The following CUBN variants were observed in gnomAD, a reference collection of about 807,000 sequenced individuals.
CUBN encodes cubilin.
A neutral mutation model predicts 405.3 loss-of-function variants in CUBN; 282 were observed. The ratio of observed to expected loss-of-function variants is 0.70; its 90% CI spans 0.63 to 0.77. The LOEUF is 0.77. CUBN is among the 30% of genes least tolerant of loss of function. The pLI is 0.00. For missense variants in CUBN, 4,514 were observed against 4,475.2 expected (o/e 1.01, Z -0.25); for synonymous variants, 1,684 against 1,617.0 (o/e 1.04, Z -0.99).
chr10:16,928,071 A>G, intron 41 of CUBN, 86 bp downstream of exon 41: 2 of 1,509,426 alleles, frequency 1.3e-6, no homozygotes, highest in African/African-American at 1.4e-5. Context: ...CTGGTGCCCA[A>G]AAACATTATA....
intron 8 of CUBN, among the ~76,000 whole-genome samples, chr10:17,112,654 T>C (rs1371434666): frequency 6.6e-6 from 1 of 152,044 alleles, no homozygotes; most frequent in Non-Finnish European, 1.5e-5. Flanking sequence ...AAAGTCTTTA[T>C]AGGTTTTTTT....
chr10:16,872,308 C>T (rs1840379630), intron 58 of CUBN, among the ~76,000 whole-genome samples: 1 of 150,338 alleles, frequency 6.7e-6, no homozygotes. Context: ...CTCCAGGATC[C>T]AGGCTGAAAA....
At chr10:16,862,308 C>G (rs1469277269) in intron 59 of CUBN, among the ~76,000 whole-genome samples, 3 of 152,170 alleles carry the variant, frequency 2.0e-5, no homozygotes, top group African/African-American at 4.8e-5. Flanking sequence ...TTACCTCTTA[C>G]AAACCCTTTG....
chr10:17,053,812 G>A (rs767209712), intron 22 of CUBN, among the ~76,000 whole-genome samples: 12 of 152,106 alleles, frequency 7.9e-5, no homozygotes, highest in Non-Finnish European at 1.8e-4. Flanking sequence ...TAGACCACAT[G>A]CAGGGCTGTA....
chr10:17,063,752 A>C (rs1446715049), intron 22 of CUBN, among the ~76,000 whole-genome samples: 1 of 152,202 alleles, frequency 6.6e-6, no homozygotes, highest in Non-Finnish European at 1.5e-5. Flanking sequence ...CCACATTTTC[A>C]GGAGGCCCTG....
intron 29 of CUBN, among the ~76,000 whole-genome samples, chr10:16,989,968 T>C (rs1412932530): frequency 6.6e-6 from 1 of 152,158 alleles, no homozygotes; most frequent in Non-Finnish European, 1.5e-5. Flanking sequence ...GGAACCAGAG[T>C]TGGCGGACCA....
At chr10:17,078,945 A>G (rs993236009) in intron 17 of CUBN, among the ~76,000 whole-genome samples, 1 of 152,214 alleles carries the variant, frequency 6.6e-6, no homozygotes, top group Non-Finnish European at 1.5e-5. Context: ...TGCAGCTTCT[A>G]CATGAGCATG....
At chr10:16,847,183 T>C (rs1839540641) in intron 60 of CUBN, among the ~76,000 whole-genome samples, 1 of 152,126 alleles carries the variant, frequency 6.6e-6, no homozygotes, top group African/African-American at 2.4e-5. Context: ...CCGGGCGTGG[T>C]GGCTCATGCC....
intron 58 of CUBN, among the ~76,000 whole-genome samples, chr10:16,873,799 G>A (rs1487240493): frequency 6.6e-6 from 1 of 151,984 alleles, no homozygotes; most frequent in East Asian, 1.9e-4. Flanking sequence ...AGGATGTGGT[G>A]TTTGGAGGAA....
At chr10:16,826,780 T>C (rs750466019) in intron 66 of CUBN, among the ~76,000 whole-genome samples, 1 of 152,194 alleles carries the variant, frequency 6.6e-6, no homozygotes, top group Admixed American at 6.5e-5. Flanking sequence ...ACTCGGTTTA[T>C]ACAAGTCCAG....
chr10:16,918,717 G>A lies in CUBN; in HGVS notation c.6905C>T (p.Pro2302Leu), dbSNP rs755590093. The A allele has an allele frequency of 2.4e-5, 39 of 1,613,762 alleles. No individual in the cohort carries two copies. The highest frequency in any genetic ancestry group is 3.2e-5 in the Non-Finnish European group (38 of 1,179,888). Residue 2302 changes from proline (P) to leucine (L), a missense_variant, in exon 45 of 67, where the codon CCC becomes CTC. Physicochemically the swap from Pro to Leu is moderately conservative, Grantham distance 98. This residue lies in a region of CUBN where 1,613 missense variants were observed against 1,542.8 expected (regional missense o/e 1.05). Transcript: ENST00000377833. Reference sequence around the variant, plus strand: ...CTCTCCTGAGGACCACTGACTGCTGGGCAAAGATGTCCCACAAAATTTGGA... The same window carrying A: ...CTCTCCTGAGGACCACTGACTGCTGAGCAAAGATGTCCCACAAAATTTGGA... ...ILSKFCGTSL[P>L]SSQWSSGEVM...
At chr10:16,864,809 CCTGA>C (rs982161848) in intron 59 of CUBN, among the ~76,000 whole-genome samples, 2 of 151,264 alleles carry the variant, frequency 1.3e-5, no homozygotes, top group Non-Finnish European at 2.9e-5. Context: ...TGCCACCATG[CCTGA>C]CTAATTTTGT....
intron 59 of CUBN, among the ~76,000 whole-genome samples, chr10:16,863,128 T>C (rs1840065542): frequency 6.6e-6 from 1 of 152,242 alleles, no homozygotes; most frequent in Admixed American, 6.5e-5. Flanking sequence ...ATTTGTTGGT[T>C]TCTTTATCCC....
intron 28 of CUBN, among the ~76,000 whole-genome samples, chr10:17,011,443 G>A (rs1381868318): frequency 6.6e-6 from 1 of 152,106 alleles, no homozygotes; most frequent in Admixed American, 6.5e-5. Flanking sequence ...CCTCCCGGTG[G>A]GTTCGTGGTC....
At chr10:16,954,688 T>C in intron 31 of CUBN, 140 bp from the exon 32 acceptor site, 3 of 878,288 alleles carry the variant, frequency 3.4e-6, no homozygotes, top group Non-Finnish European at 5.5e-6. Flanking sequence ...TATTGTCCTT[T>C]CTCACAGCTG....
intron 27 of CUBN, among the ~76,000 whole-genome samples, chr10:17,035,126 A>G (rs899249802): frequency 1.3e-5 from 2 of 152,152 alleles, no homozygotes; most frequent in Non-Finnish European, 2.9e-5. Context: ...AAAGGAAAGA[A>G]CATTCTAGAA....
In CUBN at chr10:17,043,726, C is replaced by A. The variant is rs184419773; in HGVS notation, c.3829+101G>T. On this transcript the variant is annotated intron_variant, in intron 26 of 66. Transcript: ENST00000377833. ...AAGGCCCACTCTAGGCACTGAACAG[C>A]GAGTATACATACTTACTCTGCCAGT... The A allele has an allele frequency of 7.2e-6, 11 of 1,519,130 alleles. No homozygotes were observed. The East Asian group carries it at 2.3e-4, about 31-fold the overall frequency. The allele number at this position is 1,519,130 out of a possible 1,614,324, so 94.1% of individuals were successfully genotyped here.
intron 59 of CUBN, among the ~76,000 whole-genome samples, chr10:16,860,601 A>G (rs948869463): frequency 6.6e-6 from 1 of 152,186 alleles, no homozygotes; most frequent in African/African-American, 2.4e-5. Flanking sequence ...ACAAAACCCA[A>G]CATTTTTATT....
intron 14 of CUBN, among the ~76,000 whole-genome samples, chr10:17,090,054 T>A (rs531217153): frequency 1.3e-5 from 2 of 152,190 alleles, no homozygotes; most frequent in East Asian, 3.9e-4. Flanking sequence ...AGGTTGAGGT[T>A]GCTGTGAGAC....
Sources: allele counts gnomAD v4.1 joint callset (sites outside exome capture counted in the v4.1 genomes callset), GRCh38; gene constraint gnomAD v4.1.1; regional missense constraint gnomAD v4.1.1; transcripts MANE v1.5; gene names NCBI Gene and HGNC (gene_info 2026-07-23, HGNC 2026-07-21).